The following TPRG1 variants were observed in gnomAD, a reference collection of about 807,000 sequenced individuals.
The protein encoded by TPRG1 is tumor protein p63-regulated gene 1 protein.
Under a neutral mutation model 29.3 loss-of-function variants are expected in TPRG1, and 29 were observed. That is an observed-to-expected ratio of 0.99 (90% CI 0.74 to 1.35). The LOEUF (loss-of-function observed/expected upper bound fraction) is 1.35. TPRG1 is among the 40% of genes most tolerant of loss of function. TPRG1 has a pLI of 0.00. For missense variants in TPRG1, 327 were observed against 335.0 expected, an observed-to-expected ratio of 0.98 and a Z score of 0.19; for synonymous variants, 130 against 116.8, an observed-to-expected ratio of 1.11 and a Z score of -0.73.
At chr3:189,022,689 A>G (rs560113032) in intron 3 of TPRG1, among the ~76,000 whole-genome samples, 75 of 152,202 alleles carry the variant, frequency 4.9e-4, no homozygotes, top group Admixed American at 1.6e-3. Context: ...CTTTTTGTCT[A>G]TGCCCTGCCC....
rs1445782634 is a variant in TPRG1, at chr3:189,162,440, A to G, written c.-10+11568A>G. ...TGAAGCACTGTTGTTACGAGTCTTT[A>G]ATGACAGGATAATAATTTTGTACTC... On this transcript the variant is annotated intron_variant, in intron 5 of 6. Coordinates refer to the TPRG1 transcript ENST00000412373. Among the ~76,000 whole-genome samples, 3 of 152,238 alleles carry G rather than the reference A, an allele frequency of 2.0e-5. No homozygotes were observed. The South Asian group carries it at 6.2e-4, about 32-fold the overall frequency.
intron 4 of TPRG1, among the ~76,000 whole-genome samples, chr3:189,289,236 G>A (rs1718589735): frequency 6.6e-6 from 1 of 151,980 alleles, no homozygotes; most frequent in Admixed American, 6.6e-5. Context: ...TATGAGGATG[G>A]CCTCATTATC....
At chr3:189,115,164 A>G (rs1376737025) in intron 1 of TPRG1, among the ~76,000 whole-genome samples, 2 of 152,252 alleles carry the variant, frequency 1.3e-5, no homozygotes, top group African/African-American at 4.8e-5. Context: ...ACAAAAACTG[A>G]GAAGGAAGAA....
At chr3:189,008,046 AT>A (rs1712393832) in intron 3 of TPRG1, among the ~76,000 whole-genome samples, 1 of 145,542 alleles carries the variant, frequency 6.9e-6, no homozygotes, top group African/African-American at 2.6e-5. Context: ...CTAAAGTATA[AT>A]AAAAAAAGAA....
At chr3:189,305,381 A>C (rs1721466395) in intron 4 of TPRG1, among the ~76,000 whole-genome samples, 1 of 152,338 alleles carries the variant, frequency 6.6e-6, no homozygotes, top group Non-Finnish European at 1.5e-5. Flanking sequence ...ATTCTCTTAC[A>C]AAGTTGGTTA....
At chr3:189,054,960 C>T (rs1005050403) in intron 4 of TPRG1, among the ~76,000 whole-genome samples, 2 of 152,134 alleles carry the variant, frequency 1.3e-5, no homozygotes, top group African/African-American at 4.8e-5. Flanking sequence ...CACAAACCTT[C>T]AGATTGTAAA....
intron 4 of TPRG1, among the ~76,000 whole-genome samples, chr3:189,253,665 G>GA (rs1404226503): frequency 6.6e-6 from 1 of 152,168 alleles, no homozygotes; most frequent in African/African-American, 2.4e-5. Context: ...AGATCCTTGA[G>GA]AAATTGCCAC....
At chr3:189,121,998 T>C (rs931183872) in intron 1 of TPRG1, 1 of 151,968 alleles carries the variant, frequency 6.6e-6, no homozygotes, top group African/African-American at 2.4e-5. Flanking sequence ...TATATACAAT[T>C]TATGTTTGTT....
intron 4 of TPRG1, among the ~76,000 whole-genome samples, chr3:189,039,337 TAC>T (rs1343444990): frequency 6.6e-6 from 1 of 152,160 alleles, no homozygotes; most frequent in Non-Finnish European, 1.5e-5. Context: ...AAGGCCCAGG[TAC>T]ACCCTTGTTC....
intron 3 of TPRG1, among the ~76,000 whole-genome samples, chr3:189,143,346 GA>G (rs1724834380): frequency 6.6e-6 from 1 of 152,182 alleles, no homozygotes; most frequent in African/African-American, 2.4e-5. Flanking sequence ...TGACAATGAG[GA>G]CACAAGTTTC....
intron 4 of TPRG1, among the ~76,000 whole-genome samples, chr3:189,250,516 C>CA (rs1201581347): frequency 1.8e-5 from 2 of 108,364 alleles, no homozygotes; most frequent in African/African-American, 6.3e-5. Flanking sequence ...CCCCCCCCCC[C>CA]CACCCAGATT....
chr3:189,226,396 G>A (rs911634796), intron 3 of TPRG1, among the ~76,000 whole-genome samples: 8 of 152,046 alleles, frequency 5.3e-5, no homozygotes, highest in Non-Finnish European at 1.0e-4. Context: ...CAAACACTCG[G>A]AAATTAAACA....
At chr3:189,286,677 C>T (rs1266081052) in intron 4 of TPRG1, among the ~76,000 whole-genome samples, 1 of 152,038 alleles carries the variant, frequency 6.6e-6, no homozygotes, top group Admixed American at 6.6e-5. Context: ...AGGCCAGCCA[C>T]ATGCATATGG....
intron 4 of TPRG1, among the ~76,000 whole-genome samples, chr3:189,274,935 AGTGTGTGTGTGTGTGTGTGTGTGTGTGT>A (rs57386934): frequency 7.3e-6 from 1 of 137,646 alleles, no homozygotes; most frequent in Non-Finnish European, 1.6e-5. Flanking sequence ...TAATGTAATG[AGTGTGTGTGTGTGTGTGTGTGTGTGTGT>A]GTGTGTGTGT....
chr3:189,164,277 C>CTTA (rs765738342), intron 5 of TPRG1, among the ~76,000 whole-genome samples: 11 of 152,116 alleles, frequency 7.2e-5, no homozygotes, highest in Non-Finnish European at 1.3e-4. Flanking sequence ...ATTCTCCTGC[C>CTTA]TTAGCCTCCT....
At chr3:189,104,368 CA>C (rs1232894672) in intron 1 of TPRG1, among the ~76,000 whole-genome samples, 1 of 152,004 alleles carries the variant, frequency 6.6e-6, no homozygotes, top group Non-Finnish European at 1.5e-5. Flanking sequence ...GTTGGAATTG[CA>C]AAGGGAAATT....
intron 5 of TPRG1, among the ~76,000 whole-genome samples, chr3:189,319,956 A>G (rs924871883): frequency 1.3e-5 from 2 of 151,958 alleles, no homozygotes; most frequent in African/African-American, 4.8e-5. Flanking sequence ...GCTCTTTTTC[A>G]TTGTATGGGT....
At chr3:189,167,723 C>A (rs1370707601), upstream of TPRG1, among the ~76,000 whole-genome samples, 2 of 152,158 alleles carry the variant, frequency 1.3e-5, no homozygotes, top group Non-Finnish European at 2.9e-5. Flanking sequence ...AGGACCCTCA[C>A]TGGGTCTCAA....
chr3:189,269,603 C>T (rs188509329), intron 4 of TPRG1, among the ~76,000 whole-genome samples: 112 of 151,378 alleles, frequency 7.4e-4, no homozygotes, highest in African/African-American at 2.6e-3. Context: ...TGATTCATTG[C>T]AGAAAAAAAA....
Sources: gnomAD v4.1 joint callset for allele counts (sites outside exome capture counted in the v4.1 genomes callset) on GRCh38, gnomAD v4.1.1 for gene constraint, MANE v1.5 for transcripts, NCBI Gene and HGNC (gene_info 2026-07-23, HGNC 2026-07-21) for gene names.